The following TRPC5 variants were observed in gnomAD, a reference collection of about 807,000 sequenced individuals.
The protein encoded by TRPC5 is short transient receptor potential channel 5.
Under a neutral mutation model 56.5 loss-of-function variants are expected in TRPC5, and 9 were observed. That is an observed-to-expected ratio of 0.16 (90% CI 0.10 to 0.28). TRPC5 has a LOEUF of 0.28. Ranked by LOEUF, TRPC5 falls within the 10% of genes least tolerant of loss-of-function variation. The pLI, the probability that TRPC5 is intolerant of heterozygous loss-of-function variation, is 1.00. For synonymous variants in TRPC5, 282 were observed against 278.5 expected, an observed-to-expected ratio of 1.01 and a Z score of -0.13; for missense variants, 469 against 748.9, an observed-to-expected ratio of 0.63 and a Z score of 4.36.
At chrX:112,064,577 C>T (rs1179438569) in intron 1 of TRPC5, among the ~76,000 whole-genome samples, 1 of 112,137 alleles carries the variant, frequency 8.9e-6, no homozygotes, top group South Asian at 3.7e-4. Flanking sequence ...GGCTCAACTT[C>T]TCAGAATGGG....
intron 9 of TRPC5, 37 bp from the exon 10 acceptor site, chrX:111,779,111 T>G (rs778558756): frequency 2.9e-6 from 3 of 1,023,185 alleles, no homozygotes; most frequent in Non-Finnish European, 4.1e-6. Context: ...TTCAGTCTCC[T>G]TCTCAGGCTC....
In TRPC5 at chrX:111,949,774, A is replaced by G. The variant is rs771181916; in HGVS notation, c.378+2269T>C. On this transcript the variant is annotated intron_variant, in intron 2 of 10. Coordinates refer to ENST00000262839, the MANE Select transcript of TRPC5 (RefSeq NM_012471.3). ...ATGTAAACTAGTACAACCACTATGG[A>G]AAACAGTGTGGAGATTCCTTAAAGA... 2.7e-5 allele frequency among the ~76,000 whole-genome samples: 3 copies of G among 112,069 alleles called. No individual in the cohort carries two copies. The South Asian group carries it at 1.1e-3, about 42-fold the overall frequency.
At chrX:112,052,693 C>G (rs1276992181) in intron 1 of TRPC5, among the ~76,000 whole-genome samples, 1 of 111,617 alleles carries the variant, frequency 9.0e-6, no homozygotes, top group Non-Finnish European at 1.9e-5. Context: ...ATCCAAGAAA[C>G]CATTTTCAAA....
At chrX:111,932,652 G>A (rs1926448499) in intron 2 of TRPC5, among the ~76,000 whole-genome samples, 1 of 111,374 alleles carries the variant, frequency 9.0e-6, no homozygotes, top group Non-Finnish European at 1.9e-5. Flanking sequence ...CTTCTGGGAT[G>A]ATGCTGACTG....
intron 2 of TRPC5, among the ~76,000 whole-genome samples, chrX:111,931,435 A>G (rs1201920824): frequency 8.9e-6 from 1 of 112,424 alleles, no homozygotes; most frequent in Non-Finnish European, 1.9e-5. Flanking sequence ...GAGTTAAGAA[A>G]TTAGGGGGTA....
At chrX:111,798,954 A>T (rs1921209210) in intron 7 of TRPC5, among the ~76,000 whole-genome samples, 1 of 112,236 alleles carries the variant, frequency 8.9e-6, no homozygotes, top group Admixed American at 9.5e-5. Context: ...AAATGTCAAG[A>T]TAACAGGAGA....
chrX:111,831,331 G>T (rs1247642521), intron 7 of TRPC5, among the ~76,000 whole-genome samples: 2 of 112,327 alleles, frequency 1.8e-5, no homozygotes, highest in Non-Finnish European at 3.8e-5. Flanking sequence ...TCATGGTATT[G>T]TGTGTGAAGT....
At chrX:111,806,401 A>T (rs1395387721) in intron 7 of TRPC5, among the ~76,000 whole-genome samples, 1 of 111,935 alleles carries the variant, frequency 8.9e-6, no homozygotes, top group Non-Finnish European at 1.9e-5. Context: ...ATTCACTTAC[A>T]TGGTTGTTGG....
At chrX:112,031,539 A>G (rs1929584683) in intron 1 of TRPC5, among the ~76,000 whole-genome samples, 3 of 111,604 alleles carry the variant, frequency 2.7e-5, no homozygotes, top group Non-Finnish European at 5.6e-5. Flanking sequence ...AATAGGAGTT[A>G]ACTAAAAAAT....
rs746041362 is a variant in TRPC5 at position 111,776,395 on chromosome X, A to G, written c.2840T>C (p.Phe947Ser). The change falls in exon 11 of 11, where the codon TTT (phenylalanine) becomes TCT (serine). Residue 947 changes from phenylalanine (F) to serine (S), a missense_variant. Physicochemically the swap from Phe to Ser is radical, Grantham distance 155 (BLOSUM62 -2). Coordinates refer to ENST00000262839, the MANE Select transcript of TRPC5 (RefSeq NM_012471.3). ...GTCACAAGCCTCTCCCCAAGTTTCAAATACATCCTCTGAGGAGTCTAAAAG... is the reference window on the plus strand; with the variant it reads ...GTCACAAGCCTCTCCCCAAGTTTCAGATACATCCTCTGAGGAGTCTAAAAG... ...SKLLDSSEDV[F>S]ETWGEACDLL... 3.1e-5 allele frequency: 38 copies of G among 1,210,019 alleles called. No individual in the cohort carries two copies. The South Asian group carries it at 6.7e-4, about 21-fold the overall frequency.
At chrX:111,968,340 C>G (rs1476643996) in intron 1 of TRPC5, among the ~76,000 whole-genome samples, 7 of 111,228 alleles carry the variant, frequency 6.3e-5, no homozygotes, top group African/African-American at 1.3e-4. Context: ...TGCTGGAAAG[C>G]ATGTGGAGAA....
At chrX:111,912,869 C>A in intron 2 of TRPC5, 57 bp from the exon 3 acceptor site, 1 of 1,101,585 alleles carries the variant, frequency 9.1e-7, no homozygotes. Context: ...GAGAGAGAAG[C>A]ATAGGGCCTA....
In TRPC5 at chrX:111,952,172, C is replaced by T. The variant is rs1927107355; in HGVS notation, c.249G>A (p.Leu83=). ...ALLIAIENEN[L]EIMELLLNHS... The stretch of plus-strand genomic sequence containing the variant: ...GGTTCAGCAGTAGCTCCATGATCTC[C>T]AGGTTCTCGTTCTCAATGGCAATGA... The change falls in exon 2 of 11, where the codon CTG becomes CTA. Residue 83 remains leucine (L), a synonymous_variant. Transcript: ENST00000262839. 1.1e-5 allele frequency: 13 copies of T among 1,212,217 alleles called. No individual in the cohort carries two copies. The East Asian group carries it at 3.8e-4, about 36-fold the overall frequency.
At chrX:111,819,575 C>A (rs1252976458) in intron 7 of TRPC5, among the ~76,000 whole-genome samples, 1 of 111,618 alleles carries the variant, frequency 9.0e-6, no homozygotes, top group African/African-American at 3.3e-5. Context: ...CCAATCAGAA[C>A]TTCTATTTGT....
At chrX:112,058,549 T>C (rs1373310714) in intron 1 of TRPC5, among the ~76,000 whole-genome samples, 1 of 111,602 alleles carries the variant, frequency 9.0e-6, no homozygotes, top group African/African-American at 3.3e-5. Context: ...AAGGCATATG[T>C]AGGATATTAT....
At chrX:112,011,139 C>A (rs1211041253) in intron 1 of TRPC5, among the ~76,000 whole-genome samples, 1 of 111,662 alleles carries the variant, frequency 9.0e-6, no homozygotes, top group East Asian at 2.8e-4. Flanking sequence ...TAGACTGGTT[C>A]ATCAACTGGG....
intron 7 of TRPC5, among the ~76,000 whole-genome samples, chrX:111,808,028 C>T (rs1169699273): frequency 1.9e-5 from 2 of 106,567 alleles, no homozygotes. Flanking sequence ...GGGGAGGTAA[C>T]ACAAGCACCA....
intron 6 of TRPC5, among the ~76,000 whole-genome samples, chrX:111,839,115 A>T (rs867625332): frequency 2.1e-4 from 23 of 111,543 alleles, no homozygotes; most frequent in Middle Eastern, 9.3e-3. Flanking sequence ...TTCTCATTCC[A>T]CTATGCCTTT....
rs755199615 is a variant in TRPC5, at chrX:111,897,072, A to G, written c.900+15219T>C. Among the ~76,000 whole-genome samples, 3 of 112,271 alleles carry G rather than the reference A, an allele frequency of 2.7e-5. No individual in the cohort carries two copies. The East Asian group carries it at 8.4e-4, about 31-fold the overall frequency. On this transcript the variant is annotated intron_variant, in intron 3 of 10. Transcript: ENST00000262839. ...ATTATTAAACATATTCTATAAAATT[A>G]CATTCAGGCTATGTGTATAAGGTGT...
Sources: allele counts gnomAD v4.1 joint callset (sites outside exome capture counted in the v4.1 genomes callset), GRCh38; gene constraint gnomAD v4.1.1; transcripts MANE v1.5; gene names NCBI Gene and HGNC (gene_info 2026-07-23, HGNC 2026-07-21).